DHX35: variants seen among roughly 807,000 people sequenced by gnomAD.
DHX35 encodes probable ATP-dependent RNA helicase DHX35.
DHX35 carries 84 observed loss-of-function variants against 99.6 expected under a neutral mutation model. The ratio of observed to expected loss-of-function variants is 0.84; its 90% CI spans 0.71 to 1.01. DHX35 has a LOEUF of 1.01. Ranked by LOEUF, DHX35 falls within the 50% of genes least tolerant of loss-of-function variation. DHX35 has a pLI of 0.00. For synonymous variants in DHX35, 331 were observed against 316.2 expected (o/e 1.05, Z -0.50); for missense variants, 852 against 888.5 (o/e 0.96, Z 0.52).
At position 39,017,562 on chromosome 20, in the gene DHX35, C is replaced by T. The variant is rs187574025; in HGVS notation, c.1403-1242C>T. ...AAAAGATAGAGGGACCCCCCGCCTC[C>T]CCCCGCCAGCTTCATTTGATTTCAA... On this transcript the variant is annotated intron_variant, in intron 14 of 21. Coordinates refer to ENST00000252011, the MANE Select transcript of DHX35 (RefSeq NM_021931.4). 7.2e-4 allele frequency among the ~76,000 whole-genome samples: 109 copies of T among 152,266 alleles called. No homozygotes were observed. In the Middle Eastern group the frequency reaches 0.01, roughly 14 times the overall value.
At position 39,017,363 on chromosome 20, in the gene DHX35, C is replaced by A. The variant is rs904923010; in HGVS notation, c.1403-1441C>A. Among the ~76,000 whole-genome samples, 125 of 129,314 alleles carry A rather than the reference C, an allele frequency of 9.7e-4. 1 individual carries two copies. Among genetic ancestry groups the A allele is most frequent in the African/African-American group, 3.8e-3 (121 of 31,624 alleles). The allele number at this position is 129,314 out of a possible 152,430, so 84.8% of individuals were successfully genotyped here. A position where few individuals can be genotyped will look rare whatever the true frequency, so the allele number is the denominator to read the frequency against. On this transcript the variant is annotated intron_variant, in intron 14 of 21. Coordinates refer to ENST00000252011, the MANE Select transcript of DHX35 (RefSeq NM_021931.4). ...ATGTGTGTTGGAGAAGGTTTCCACCCCCTTCTTCTCAAGCATGTAATGGGA... is the reference window on the plus strand; with the variant it reads ...ATGTGTGTTGGAGAAGGTTTCCACCACCTTCTTCTCAAGCATGTAATGGGA...
intron 2 of DHX35, among the ~76,000 whole-genome samples, chr20:38,970,073 A>ATCTGTCTGTCTGTCTG (rs370046590): frequency 2.0e-5 from 3 of 151,884 alleles, no homozygotes; most frequent in African/African-American, 7.3e-5. Context: ...TGTTCTATCT[A>ATCTGTCTGTCTGTCTG]TCTGTCTGTC....
At chr20:39,034,096 G>A in intron 20 of DHX35, 110 bp from the exon 21 acceptor site, 1 of 765,376 alleles carries the variant, frequency 1.3e-6, no homozygotes, top group Non-Finnish European at 2.2e-6. Flanking sequence ...ACAGTGTCTG[G>A]CACATAGAGT....
At chr20:39,023,082 T>C (rs1359146237) in intron 16 of DHX35, among the ~76,000 whole-genome samples, 1 of 152,234 alleles carries the variant, frequency 6.6e-6, no homozygotes, top group African/African-American at 2.4e-5. Context: ...AGTTTTGTTT[T>C]TAATTAACCT....
Position 39,038,483 on chromosome 20 carries a change from T to G in DHX35, c.2068-16T>G. ...TCTAATCAACCCCAACTGTAGTGTC[T>G]TCTCTTCTGTTGCAGCACCTGTCTC... is the stretch of plus-strand genomic sequence containing the variant. On this transcript the variant is annotated splice_polypyrimidine_tract_variant and intron_variant, in intron 21 of 21. Transcript: ENST00000252011. The G allele has an allele frequency of 1.9e-6, 3 of 1,613,670 alleles. No individual in the cohort carries two copies. The highest frequency in any genetic ancestry group is 2.5e-6 in the Non-Finnish European group (3 of 1,180,002).
chr20:39,023,685 T>G lies in DHX35; in HGVS notation c.1594-5T>G. Reference sequence around the variant, plus strand: ...AAATTCTGAATGTTGCTTCATTCTTTCCAGATTCGAGTGCACCGTAAATTT... The same window carrying G: ...AAATTCTGAATGTTGCTTCATTCTTGCCAGATTCGAGTGCACCGTAAATTT... On this transcript the variant is annotated splice_region_variant and splice_polypyrimidine_tract_variant and intron_variant, in intron 16 of 21. Transcript: ENST00000252011. 6.2e-7 allele frequency: 1 copy of G among 1,613,822 alleles called. No individual in the cohort carries two copies. Among genetic ancestry groups the G allele is most frequent in the Admixed American group, 1.7e-5 (1 of 60,030 alleles).
At chr20:39,018,758 C>T (rs888319083) in intron 14 of DHX35, 46 bp from the exon 15 acceptor site, 12 of 1,577,752 alleles carry the variant, frequency 7.6e-6, no homozygotes, top group Middle Eastern at 1.7e-4. Context: ...TGCCTTCCAA[C>T]ACAATGGTAC....
At position 39,030,755 on chromosome 20, in the gene DHX35, T is replaced by C. The variant is rs2087035866; in HGVS notation, c.1935T>C (p.Tyr645=). 6.2e-7 allele frequency: 1 copy of C among 1,614,182 alleles called. No homozygotes were observed. The highest frequency in any genetic ancestry group is 8.5e-7 in the Non-Finnish European group (1 of 1,180,028). ...ELHIHPASVL[Y]AEKPPRWVIY... ...ACATACACCCTGCGTCAGTCCTCTA[T>C]GCAGAGAAGCCGCCTCGCTGGTAAG... Residue 645 remains tyrosine, a synonymous_variant, in exon 20 of 22, where the codon TAT becomes TAC. Coordinates refer to ENST00000252011, the MANE Select transcript of DHX35 (RefSeq NM_021931.4).
At position 39,010,383 on chromosome 20, in the gene DHX35, C is replaced by T; in HGVS notation, c.1326C>T (p.Val442=). Residue 442 remains valine, a synonymous_variant, in exon 13 of 22, where the codon GTC becomes GTT. Coordinates refer to ENST00000252011, the MANE Select transcript of DHX35 (RefSeq NM_021931.4). The part of the protein sequence containing the change: ...LQLKALGIDN[V]LRFHFMSPPP... ...TGAAAGCACTAGGAATTGACAATGT[C>T]CTCAGGTTCCACTTCATGTCGGTAA... 1 of 1,614,150 alleles carries T rather than the reference C, an allele frequency of 6.2e-7. No homozygotes were observed.
Position 38,988,898 on chromosome 20 carries a change from AGCTG to A in DHX35, c.434_437del (p.Leu145ProfsTer16). 6.2e-7 allele frequency: 1 copy of A among 1,613,166 alleles called. No homozygotes were observed. Among genetic ancestry groups the A allele is most frequent in the South Asian group, 1.1e-5 (1 of 91,062 alleles). Reference sequence around the variant, plus strand: ...ATCCGCTTTGATGACTGCACCGACCAGCTGGCCACGAGAATTAAGGTAAAGTGCT... The same window carrying A: ...ATCCGCTTTGATGACTGCACCGACCAGCCACGAGAATTAAGGTAAAGTGCT... On this transcript the variant is annotated frameshift_variant, in exon 5 of 22. Coordinates refer to ENST00000252011, the MANE Select transcript of DHX35 (RefSeq NM_021931.4). LOFTEE classifies it high-confidence loss of function.
At position 39,038,302 on chromosome 20, in the gene DHX35, C is replaced by T. The variant is rs375261057; in HGVS notation, c.2068-197C>T. On this transcript the variant is annotated intron_variant, in intron 21 of 21. Coordinates refer to ENST00000252011, the MANE Select transcript of DHX35 (RefSeq NM_021931.4). The stretch of plus-strand genomic sequence containing the variant: ...TGTGGCTTGGGCCTCGGGTTGCTGG[C>T]GGCTGAATTCAGGTCGGCTTCTTCA... Among the ~76,000 whole-genome samples, 29 of 152,326 alleles carry T rather than the reference C, an allele frequency of 1.9e-4. 1 individual carries two copies. The highest frequency in any genetic ancestry group is 6.3e-4 in the African/African-American group (26 of 41,572).
intron 21 of DHX35, among the ~76,000 whole-genome samples, chr20:39,035,985 T>C (rs1448633183): frequency 6.6e-6 from 1 of 152,098 alleles, no homozygotes; most frequent in Non-Finnish European, 1.5e-5. Context: ...CTGAATTAGG[T>C]TGATAAGAAT....
chr20:38,997,910 C>T (rs1215390870), intron 8 of DHX35, among the ~76,000 whole-genome samples: 1 of 152,148 alleles, frequency 6.6e-6, no homozygotes, highest in Non-Finnish European at 1.5e-5. Flanking sequence ...TGCCCCCCAG[C>T]GGCTGGGTCT....
chr20:38,991,588 A>G, intron 6 of DHX35, 73 bp downstream of exon 6: 2 of 1,362,786 alleles, frequency 1.5e-6, no homozygotes, highest in South Asian at 2.5e-5. Context: ...CAGGTGTGTT[A>G]GTAGCTGGGA....
chr20:39,003,976 T>A, intron 11 of DHX35, 69 bp downstream of exon 11: 1 of 1,571,250 alleles, frequency 6.4e-7, no homozygotes, highest in Non-Finnish European at 8.7e-7. Flanking sequence ...CTTTACTTGT[T>A]TTGAAACTTG....
Position 38,972,593 on chromosome 20 carries a change from A to G in DHX35, c.209A>G (p.Tyr70Cys). 1 of 1,612,900 alleles carries G rather than the reference A, an allele frequency of 6.2e-7. No individual in the cohort carries two copies. The change falls in exon 3 of 22, where the codon TAT becomes TGT. Residue 70 changes from tyrosine (Y) to cysteine (C), a missense_variant. Coordinates refer to ENST00000252011, the MANE Select transcript of DHX35 (RefSeq NM_021931.4). ...RNHILYLIEN[Y>C]QTVVIVGETG... is the part of the protein sequence containing the mutation. ...CATATTTTATACTTGATAGAAAATT[A>G]TCAGACAGTGGTGATTGTTGGTGAA...
rs2086335839 is a variant in DHX35 at position 38,991,439 on chromosome 20, GTTTTTAT to G, written c.451-8_451-2del. The stretch of plus-strand genomic sequence containing the variant: ...AAGTGAATTATTTCTAAAGCTTTGT[GTTTTTAT>G]TTTTTAGTTTCTTACTGATGGAATG... On this transcript the variant is annotated splice_polypyrimidine_tract_variant and splice_region_variant and intron_variant, in intron 5 of 21. Transcript: ENST00000252011. 1 of 1,609,574 alleles carries G rather than the reference GTTTTTAT, an allele frequency of 6.2e-7. No homozygotes were observed. The highest frequency in any genetic ancestry group is 1.3e-5 in the African/African-American group (1 of 74,620).
chr20:39,006,377 G>A (rs765800559), intron 12 of DHX35, 21 bp downstream of exon 12: 3 of 1,608,952 alleles, frequency 1.9e-6, no homozygotes, highest in Non-Finnish European at 2.6e-6. Flanking sequence ...CTTTCCCTAA[G>A]GGTTTTTGAC....
chr20:38,969,003 C>T, intron 1 of DHX35, 78 bp from the exon 2 acceptor site: 2 of 1,431,664 alleles, frequency 1.4e-6, no homozygotes, highest in Non-Finnish European at 1.9e-6. Context: ...ATATCTTCAT[C>T]TTTGAAAGTT....
Sources: allele counts gnomAD v4.1 joint callset (sites outside exome capture counted in the v4.1 genomes callset), GRCh38; gene constraint gnomAD v4.1.1; transcripts MANE v1.5; gene names NCBI Gene and HGNC (gene_info 2026-07-23, HGNC 2026-07-21).